Variants in SHC4 observed in about 807,000 individuals in gnomAD.
SHC4 encodes the protein SHC adaptor protein 4.
Under a neutral mutation model 69.4 loss-of-function variants are expected in SHC4, and 41 were observed. The ratio of observed to expected loss-of-function variants is 0.59; its 90% CI spans 0.46 to 0.77. The LOEUF (loss-of-function observed/expected upper bound fraction) is 0.77. SHC4 is among the 30% of genes least tolerant of loss of function. The pLI, the probability that SHC4 is intolerant of heterozygous loss-of-function variation, is 0.00. For missense variants in SHC4, 777 were observed against 783.8 expected (o/e 0.99, Z 0.10); for synonymous variants, 318 against 299.3 (o/e 1.06, Z -0.64).
intron 4 of SHC4, chr15:48,878,570 G>A (rs1899874764): frequency 6.2e-7 from 1 of 1,614,050 alleles, no homozygotes; most frequent in Non-Finnish European, 8.5e-7. Context: ...TGAAGAAGCC[G>A]ACAAGATGTT....
At position 48,826,093 on chromosome 15, in the gene SHC4, C is replaced by T. The variant is rs772632074; in HGVS notation, c.1771G>A (p.Gly591Ser). Reference protein sequence around the residue: ...RTKDHVFDNVGHLIRYHMDNS... With the variant: ...RTKDHVFDNVSHLIRYHMDNS... ...TCCATATGGTATCTGATAAGGTGGCCGACATTATCAAATACATGATCCTTG... is the reference window on the plus strand; with the variant it reads ...TCCATATGGTATCTGATAAGGTGGCTGACATTATCAAATACATGATCCTTG... Residue 591 changes from glycine (G) to serine (S), a missense_variant, in exon 12 of 12, where the codon GGC becomes AGC. Transcript: ENST00000332408. 29 of 1,612,586 alleles carry T rather than the reference C, an allele frequency of 1.8e-5. No individual in the cohort carries two copies. The highest frequency in any genetic ancestry group is 2.2e-5 in the East Asian group (1 of 44,816).
chr15:48,941,034 G>A (rs1455145393), intron 1 of SHC4, among the ~76,000 whole-genome samples: 2 of 152,056 alleles, frequency 1.3e-5, no homozygotes, highest in African/African-American at 2.4e-5. Context: ...AGCACACCAG[G>A]GCTCGAAGGG....
chr15:48,953,861 G>T (rs1901403166), intron 1 of SHC4, among the ~76,000 whole-genome samples: 1 of 152,162 alleles, frequency 6.6e-6, no homozygotes, highest in Admixed American at 6.5e-5. Context: ...CTCATCCCAT[G>T]ACTTGAGATC....
intron 5 of SHC4, among the ~76,000 whole-genome samples, chr15:48,869,310 C>G (rs1411711044): frequency 1.3e-5 from 2 of 152,092 alleles, no homozygotes; most frequent in East Asian, 1.9e-4. Context: ...TGAGGGTGAG[C>G]AAAGGCCAAG....
chr15:48,843,723 T>C, intron 9 of SHC4, 135 bp from the exon 10 acceptor site: 4 of 786,714 alleles, frequency 5.1e-6, no homozygotes, highest in South Asian at 6.0e-5. Flanking sequence ...ACTTAACTTT[T>C]AGGTTTGACT....
intron 4 of SHC4, chr15:48,878,381 C>T: frequency 1.2e-6 from 2 of 1,612,616 alleles, no homozygotes; most frequent in Non-Finnish European, 1.7e-6. Context: ...AATGGCGGCG[C>T]CAGAGGGGAA....
intron 4 of SHC4, among the ~76,000 whole-genome samples, chr15:48,874,879 T>C (rs1048565790): frequency 1.3e-5 from 2 of 152,190 alleles, no homozygotes; most frequent in African/African-American, 2.4e-5. Flanking sequence ...TTTTAGTTTG[T>C]TCCTGACCCG....
chr15:48,838,725 T>G (rs1898940771), intron 10 of SHC4, among the ~76,000 whole-genome samples: 1 of 151,922 alleles, frequency 6.6e-6, no homozygotes. Flanking sequence ...ATAATAAAGA[T>G]CCCAGAAACA....
intron 10 of SHC4, among the ~76,000 whole-genome samples, chr15:48,839,065 G>C (rs1162899969): frequency 6.6e-6 from 1 of 151,772 alleles, no homozygotes; most frequent in Admixed American, 6.6e-5. Context: ...CCAAAACTTG[G>C]GCACATTGGA....
intron 4 of SHC4, chr15:48,878,296 A>G (rs1899862258): frequency 6.8e-6 from 11 of 1,613,656 alleles, no homozygotes; most frequent in African/African-American, 1.3e-5. Context: ...GCCGGGAGCT[A>G]TCCCTGCGTC....
chr15:48,923,932 C>T (rs945769991), intron 2 of SHC4, among the ~76,000 whole-genome samples: 2 of 152,168 alleles, frequency 1.3e-5, no homozygotes, highest in South Asian at 4.1e-4. Flanking sequence ...TGAGCCACTG[C>T]ACCAGGCTCA....
At chr15:48,860,566 C>T (rs1899422315) in intron 6 of SHC4, among the ~76,000 whole-genome samples, 1 of 151,852 alleles carries the variant, frequency 6.6e-6, no homozygotes, top group African/African-American at 2.4e-5. Flanking sequence ...AAAGTCATAT[C>T]AAAATGGAAA....
chr15:48,826,414 A>G (rs977770985), intron 11 of SHC4, among the ~76,000 whole-genome samples: 2 of 151,838 alleles, frequency 1.3e-5, no homozygotes, highest in African/African-American at 4.8e-5. Flanking sequence ...ATGCCTGGCT[A>G]ATTTTTTTTA....
At chr15:48,881,501 A>AGC (rs1899946453) in intron 4 of SHC4, among the ~76,000 whole-genome samples, 1 of 152,110 alleles carries the variant, frequency 6.6e-6, no homozygotes, top group Non-Finnish European at 1.5e-5. Flanking sequence ...GGCCTGCACC[A>AGC]TTGTTTTTTC....
At chr15:48,933,811 T>C (rs1052005561) in intron 1 of SHC4, among the ~76,000 whole-genome samples, 1 of 152,166 alleles carries the variant, frequency 6.6e-6, no homozygotes, top group Non-Finnish European at 1.5e-5. Context: ...TTACTGTCAA[T>C]TGAATTTTGA....
chr15:48,867,003 G>C (rs1899573525), intron 6 of SHC4, among the ~76,000 whole-genome samples: 1 of 152,202 alleles, frequency 6.6e-6, no homozygotes, highest in African/African-American at 2.4e-5. Context: ...CAATAAAATA[G>C]TTTTTGAGTA....
chr15:48,959,013 A>C (rs1382450866), intron 1 of SHC4, among the ~76,000 whole-genome samples: 2 of 152,226 alleles, frequency 1.3e-5, no homozygotes, highest in South Asian at 2.1e-4. Flanking sequence ...GGATTCATAA[A>C]GTGTTTTCAG....
At chr15:48,860,930 AG>A (rs1241607961) in intron 6 of SHC4, among the ~76,000 whole-genome samples, 3 of 152,238 alleles carry the variant, frequency 2.0e-5, no homozygotes, top group African/African-American at 4.8e-5. Context: ...TCTGAGGAAC[AG>A]GGCGGCATGT....
chr15:48,868,015 C>G (rs1899596741), intron 5 of SHC4, 146 bp from the exon 6 acceptor site: 1 of 642,916 alleles, frequency 1.6e-6, no homozygotes, highest in Non-Finnish European at 2.7e-6. Flanking sequence ...TAAAAGGGAA[C>G]ATAAACAAAT....
Sources: allele counts gnomAD v4.1 joint callset (sites outside exome capture counted in the v4.1 genomes callset), GRCh38; gene constraint gnomAD v4.1.1; transcripts MANE v1.5; gene names NCBI Gene and HGNC (gene_info 2026-07-23, HGNC 2026-07-21).